The following SEMA3D variants were observed in gnomAD, a reference collection of about 807,000 sequenced individuals.
The protein encoded by SEMA3D is semaphorin-3D.
Under a neutral mutation model 100.1 loss-of-function variants are expected in SEMA3D, and 84 were observed. That is an observed-to-expected ratio of 0.84 (90% CI 0.70 to 1.01). The LOEUF (loss-of-function observed/expected upper bound fraction) is 1.01. Among genes scored for constraint, SEMA3D ranks in the 50% least tolerant of loss-of-function variants. The pLI is 0.00. For synonymous variants in SEMA3D, 312 were observed against 320.7 expected (o/e 0.97, Z 0.29); for missense variants, 875 against 934.1 (o/e 0.94, Z 0.82).
chr7:85,133,372 C>T (rs1000568674), intron 2 of SEMA3D, among the ~76,000 whole-genome samples: 1 of 151,946 alleles, frequency 6.6e-6, no homozygotes, highest in African/African-American at 2.4e-5. Flanking sequence ...AGCATACATA[C>T]AGCTGCCGAT....
chr7:85,075,831 C>A (rs544243945), intron 5 of SEMA3D, among the ~76,000 whole-genome samples: 1 of 152,284 alleles, frequency 6.6e-6, no homozygotes, highest in Admixed American at 6.5e-5. Context: ...GACATTTAAG[C>A]CAAACAATAC....
At position 85,081,512 on chromosome 7, in the gene SEMA3D, C is replaced by G; in HGVS notation, c.375+5G>C. ...CAAAGATAATTGTTACAGTTTCATA[C>G]TTACATTGGCATCTTTCCCAGCTAA... On this transcript the variant is annotated splice_donor_5th_base_variant and intron_variant, in intron 5 of 18. Transcript: ENST00000284136. 6.3e-7 allele frequency: 1 copy of G among 1,591,226 alleles called. No homozygotes were observed. The highest frequency in any genetic ancestry group is 8.6e-7 in the Non-Finnish European group (1 of 1,159,442).
intron 5 of SEMA3D, among the ~76,000 whole-genome samples, chr7:85,079,167 T>C (rs982521515): frequency 2.0e-5 from 3 of 152,056 alleles, no homozygotes; most frequent in Admixed American, 1.3e-4. Context: ...ATCCAGAAAA[T>C]AGAAAATAAT....
intron 3 of SEMA3D, among the ~76,000 whole-genome samples, chr7:85,116,028 T>C (rs1789230397): frequency 6.6e-6 from 1 of 151,964 alleles, no homozygotes; most frequent in Non-Finnish European, 1.5e-5. Flanking sequence ...GAGTATTTCA[T>C]TGTAATATTA....
At chr7:85,076,716 T>C (rs1485463316) in intron 5 of SEMA3D, among the ~76,000 whole-genome samples, 1 of 152,252 alleles carries the variant, frequency 6.6e-6, no homozygotes, top group Admixed American at 6.5e-5. Context: ...ACTTTTCACC[T>C]ATCTCTGTCT....
chr7:85,125,309 G>A (rs1789535325), intron 2 of SEMA3D, among the ~76,000 whole-genome samples: 1 of 151,932 alleles, frequency 6.6e-6, no homozygotes, highest in South Asian at 2.1e-4. Context: ...GACTAGTTGG[G>A]GTTAATGGCC....
intron 3 of SEMA3D, among the ~76,000 whole-genome samples, chr7:85,111,303 C>T (rs540751457): frequency 6.6e-6 from 1 of 152,136 alleles, no homozygotes; most frequent in Non-Finnish European, 1.5e-5. Context: ...TACTCAAATG[C>T]CTTCTTGGCA....
intron 2 of SEMA3D, among the ~76,000 whole-genome samples, chr7:85,150,699 A>G (rs1262685916): frequency 6.6e-6 from 1 of 151,856 alleles, no homozygotes; most frequent in Non-Finnish European, 1.5e-5. Context: ...CTACATTTAT[A>G]CCTAGAAGAT....
At chr7:85,231,720 G>T in the SEMA3D span, among the ~76,000 whole-genome samples, 7 of 152,054 alleles carry the variant, frequency 4.6e-5, no homozygotes, top group Non-Finnish European at 8.8e-5. Context: ...AAAGTGCTGG[G>T]ATTATAGGCG....
At chr7:85,094,919 T>A (rs1437128343) in intron 4 of SEMA3D, among the ~76,000 whole-genome samples, 2 of 151,864 alleles carry the variant, frequency 1.3e-5, no homozygotes, top group Non-Finnish European at 2.9e-5. Flanking sequence ...ATAGAAATAG[T>A]CCTTCCTCTC....
At chr7:85,028,223 T>G (rs1185778252) in intron 12 of SEMA3D, 2 of 681,518 alleles carry the variant, frequency 2.9e-6, no homozygotes, top group Non-Finnish European at 5.3e-6. Context: ...ATTGCAAAAG[T>G]CTACCTTGGG....
intron 6 of SEMA3D, 77 bp downstream of exon 6, chr7:85,072,885 G>T (rs893800144): frequency 3.4e-6 from 4 of 1,191,148 alleles, no homozygotes; most frequent in Non-Finnish European, 4.7e-6. Context: ...ATTCAAATCT[G>T]CCTGTTTTAT....
At chr7:85,167,535 C>A in intron 1 of SEMA3D, 2 of 238,464 alleles carry the variant, frequency 8.4e-6, no homozygotes, top group Non-Finnish European at 6.8e-6. Flanking sequence ...GTTATAAATA[C>A]ACGAAATATC....
intron 4 of SEMA3D, among the ~76,000 whole-genome samples, chr7:85,096,046 G>T (rs1413172966): frequency 6.6e-6 from 1 of 151,964 alleles, no homozygotes; most frequent in African/African-American, 2.4e-5. Context: ...TTAAAAGTAT[G>T]AATTGCTTTT....
chr7:85,220,875 G>A, the SEMA3D span, among the ~76,000 whole-genome samples: 1 of 152,034 alleles, frequency 6.6e-6, no homozygotes, highest in South Asian at 2.1e-4. Context: ...GCCTGGCCTG[G>A]GCCCAACTAC....
intron 18 of SEMA3D, among the ~76,000 whole-genome samples, chr7:85,006,580 A>T (rs193024605): frequency 2.0e-5 from 3 of 152,076 alleles, no homozygotes; most frequent in Admixed American, 6.6e-5. Flanking sequence ...AAATTTCTTT[A>T]AAAAAATCAG....
chr7:85,022,897 A>G (rs1013659726), intron 12 of SEMA3D, among the ~76,000 whole-genome samples: 1 of 151,868 alleles, frequency 6.6e-6, no homozygotes, highest in African/African-American at 2.4e-5. Flanking sequence ...ATTGTTTCTA[A>G]TGAAGATATT....
chr7:85,078,749 C>T (rs1416894478), intron 5 of SEMA3D, among the ~76,000 whole-genome samples: 1 of 152,142 alleles, frequency 6.6e-6, no homozygotes, highest in Non-Finnish European at 1.5e-5. Flanking sequence ...GTAAATAATT[C>T]ACTGTTTTGC....
the SEMA3D span, among the ~76,000 whole-genome samples, chr7:85,224,978 T>C: frequency 6.8e-6 from 1 of 147,800 alleles, no homozygotes; most frequent in Non-Finnish European, 1.5e-5. Flanking sequence ...AAAATTATTA[T>C]GTTGTCTATG....
Sources: gnomAD v4.1 joint callset for allele counts (sites outside exome capture counted in the v4.1 genomes callset) on GRCh38, gnomAD v4.1.1 for gene constraint, MANE v1.5 for transcripts, NCBI Gene and HGNC (gene_info 2026-07-23, HGNC 2026-07-21) for gene names.